The following ARHGEF3 variants were observed in gnomAD, a reference collection of about 807,000 sequenced individuals.
ARHGEF3 encodes 59.8 kDA protein.
A neutral mutation model predicts 63.2 loss-of-function variants in ARHGEF3; 28 were observed. The observed-to-expected ratio is 0.44, with a 90% CI of 0.33 to 0.61. The LOEUF (loss-of-function observed/expected upper bound fraction) is 0.61. Among genes scored for constraint, ARHGEF3 ranks in the 20% least tolerant of loss-of-function variants. The probability of loss-of-function intolerance (pLI) is 0.03; values close to 1 mark genes in which losing one functional copy is unlikely to be tolerated. For missense variants in ARHGEF3, 533 were observed against 659.3 expected, an observed-to-expected ratio of 0.81 and a Z score of 2.10; for synonymous variants, 266 against 254.2, an observed-to-expected ratio of 1.05 and a Z score of -0.44.
chr3:56,970,280 T>C (rs1264362382), intron 2 of ARHGEF3, among the ~76,000 whole-genome samples: 1 of 152,144 alleles, frequency 6.6e-6, no homozygotes, highest in African/African-American at 2.4e-5. Context: ...AATAAAAATA[T>C]TTTCGGGCAA....
intron 2 of ARHGEF3, among the ~76,000 whole-genome samples, chr3:56,959,063 CCTT>C (rs1160864521): frequency 1.3e-5 from 2 of 152,188 alleles, no homozygotes; most frequent in Non-Finnish European, 1.5e-5. Context: ...ACCCCAAACT[CCTT>C]CTCAGTTCCC....
intron 3 of ARHGEF3, among the ~76,000 whole-genome samples, chr3:56,925,790 G>A (rs539919522): frequency 2.6e-5 from 4 of 152,198 alleles, no homozygotes; most frequent in Non-Finnish European, 5.9e-5. Flanking sequence ...GGCAGTGACT[G>A]AATACACACT....
chr3:56,899,862 C>A (rs993546082), intron 3 of ARHGEF3, among the ~76,000 whole-genome samples: 1 of 152,200 alleles, frequency 6.6e-6, no homozygotes, highest in African/African-American at 2.4e-5. Flanking sequence ...CCACTCCTGG[C>A]ACTGTAACCC....
intron 1 of ARHGEF3, among the ~76,000 whole-genome samples, chr3:57,058,574 A>C (rs1705042748): frequency 6.6e-6 from 1 of 152,206 alleles, no homozygotes; most frequent in Non-Finnish European, 1.5e-5. Context: ...CCATTGTGGA[A>C]GTCGGTGTAG....
chr3:57,042,674 A>G (rs182444765), intron 1 of ARHGEF3, among the ~76,000 whole-genome samples: 1,622 of 22,812 alleles, frequency 0.071, 150 homozygotes, highest in East Asian at 0.27. Context: ...ATATATATAT[A>G]TATATATATA....
intron 7 of ARHGEF3, among the ~76,000 whole-genome samples, chr3:56,740,280 A>C (rs1247454462): frequency 6.6e-6 from 1 of 151,620 alleles, no homozygotes; most frequent in Non-Finnish European, 1.5e-5. Context: ...TAAAAAAAAA[A>C]ACCCTTATTT....
At chr3:56,758,013 C>T (rs983656241) in intron 2 of ARHGEF3, among the ~76,000 whole-genome samples, 1 of 151,652 alleles carries the variant, frequency 6.6e-6, no homozygotes, top group Non-Finnish European at 1.5e-5. Flanking sequence ...CGTGGTGGCT[C>T]ACGCCTGTAA....
intron 2 of ARHGEF3, among the ~76,000 whole-genome samples, chr3:56,761,912 G>A (rs571019491): frequency 3.9e-5 from 6 of 152,228 alleles, no homozygotes; most frequent in East Asian, 1.9e-4. Flanking sequence ...ATAGTGTAGC[G>A]GGGTACATGT....
At chr3:56,765,046 C>T (rs751211705) in intron 2 of ARHGEF3, among the ~76,000 whole-genome samples, 2 of 152,060 alleles carry the variant, frequency 1.3e-5, no homozygotes, top group Non-Finnish European at 2.9e-5. Flanking sequence ...CATGAGCCAC[C>T]GCACCCGGCC....
At chr3:56,967,881 T>C (rs1700644661) in intron 2 of ARHGEF3, among the ~76,000 whole-genome samples, 1 of 61,590 alleles carries the variant, frequency 1.6e-5, no homozygotes, top group Admixed American at 3.6e-4. Flanking sequence ...ATATATAATA[T>C]AAATATATAA....
Position 57,073,707 on chromosome 3 carries a change from G to C in ARHGEF3, c.-28+5519C>G, listed in dbSNP as rs369549967. 7 of 1,613,682 alleles carry C rather than the reference G, an allele frequency of 4.3e-6. No individual in the cohort carries two copies. The highest frequency in any genetic ancestry group is 1.7e-5 in the Admixed American group (1 of 59,950). ...TGACTTGGGCCCCATGTCCAGTTCTGCTCTGACTTGTGGGTCCACCTTAGA... is the reference window on the plus strand; with the variant it reads ...TGACTTGGGCCCCATGTCCAGTTCTCCTCTGACTTGTGGGTCCACCTTAGA... On this transcript the variant is annotated intron_variant, in intron 1 of 12. Transcript: ENST00000338458.
intron 3 of ARHGEF3, among the ~76,000 whole-genome samples, chr3:56,887,268 A>ATGTGC (rs1349030121): frequency 6.6e-6 from 1 of 152,202 alleles, no homozygotes; most frequent in East Asian, 1.9e-4. Flanking sequence ...AATTAGCAAC[A>ATGTGC]TGTGCTGGGG....
At chr3:56,988,829 T>C (rs1240746513) in intron 2 of ARHGEF3, among the ~76,000 whole-genome samples, 1 of 152,180 alleles carries the variant, frequency 6.6e-6, no homozygotes, top group African/African-American at 2.4e-5. Flanking sequence ...CCCGTTTCTG[T>C]CTGAATCTTG....
chr3:56,864,771 G>A (rs1340444691), intron 4 of ARHGEF3, among the ~76,000 whole-genome samples: 1 of 152,174 alleles, frequency 6.6e-6, no homozygotes, highest in African/African-American at 2.4e-5. Context: ...TGTAAATCAG[G>A]AAGCTATGCA....
At chr3:57,034,823 A>AT (rs1366810696) in intron 2 of ARHGEF3, among the ~76,000 whole-genome samples, 348 of 150,958 alleles carry the variant, frequency 2.3e-3, no homozygotes, top group Non-Finnish European at 4.2e-3. Context: ...TGCCTGGCTA[A>AT]TTTTTTTTTA....
At chr3:56,977,554 G>A (rs867884043) in intron 2 of ARHGEF3, among the ~76,000 whole-genome samples, 1 of 152,118 alleles carries the variant, frequency 6.6e-6, no homozygotes, top group African/African-American at 2.4e-5. Flanking sequence ...TATAATAATG[G>A]GAACCGATGG....
chr3:56,984,583 G>T (rs1579021368), intron 2 of ARHGEF3, among the ~76,000 whole-genome samples: 1 of 150,246 alleles, frequency 6.7e-6, no homozygotes, highest in South Asian at 2.1e-4. Context: ...TAAAAAAAAA[G>T]ATAAGGAAAA....
intron 4 of ARHGEF3, among the ~76,000 whole-genome samples, chr3:56,848,980 T>A (rs376777975): frequency 2.2e-4 from 34 of 152,224 alleles, no homozygotes; most frequent in African/African-American, 7.5e-4. Flanking sequence ...CACTGAGGCA[T>A]GTTAATACAC....
chr3:57,024,861 C>T (rs1337949281), intron 2 of ARHGEF3, among the ~76,000 whole-genome samples: 4 of 152,204 alleles, frequency 2.6e-5, no homozygotes, highest in African/African-American at 9.7e-5. Context: ...ATATCTCAAT[C>T]TGATCTAAAA....
Sources: allele counts gnomAD v4.1 joint callset (sites outside exome capture counted in the v4.1 genomes callset), GRCh38; gene constraint gnomAD v4.1.1; transcripts MANE v1.5; gene names NCBI Gene and HGNC (gene_info 2026-07-23, HGNC 2026-07-21).